Variants in ADNP2 observed in about 807,000 individuals in gnomAD.
The protein encoded by ADNP2 is ADNP homeobox 2.
A neutral mutation model predicts 16.4 loss-of-function variants in ADNP2; 8 were observed. That is an observed-to-expected ratio of 0.49 (90% CI 0.29 to 0.88). ADNP2 has a LOEUF of 0.88. Ranked by LOEUF, ADNP2 falls within the 40% of genes least tolerant of loss-of-function variation. The probability of loss-of-function intolerance (pLI) is 0.09; values close to 1 mark genes in which losing one functional copy is unlikely to be tolerated. For synonymous variants in ADNP2, 637 were observed against 545.8 expected (o/e 1.17, Z -2.33); for missense variants, 1,397 against 1,395.1 (o/e 1.00, Z -0.02).
Position 80,137,370 on chromosome 18 carries a change from G to A in ADNP2, c.1957G>A (p.Ala653Thr). 1 of 1,614,142 alleles carries A rather than the reference G, an allele frequency of 6.2e-7. No individual in the cohort carries two copies. The highest frequency in any genetic ancestry group is 8.5e-7 in the Non-Finnish European group (1 of 1,180,042). The part of the protein sequence containing the change: ...LLPSGAAAPM[A>T]GSMPGMPSPP... Reference sequence around the variant, plus strand: ...GCCGTCAGGTGCAGCTGCACCAATGGCCGGTTCCATGCCCGGCATGCCCTC... The same window carrying A: ...GCCGTCAGGTGCAGCTGCACCAATGACCGGTTCCATGCCCGGCATGCCCTC... The change falls in exon 4 of 4, where the codon GCC (alanine) becomes ACC (threonine). Residue 653 changes from alanine to threonine, a missense_variant. Ala to Thr is a moderately conservative substitution (Grantham distance 58). Transcript: ENST00000262198. This position sits in a 1 kb window ranked among gnomAD's most constrained non-coding sequence, Gnocchi z 4.2.
At chr18:80,116,545 C>CT (rs142096214) in intron 1 of ADNP2, among the ~76,000 whole-genome samples, 38,249 of 149,688 alleles carry the variant, frequency 0.26, 6,270 homozygotes, top group Non-Finnish European at 0.38. Flanking sequence ...AACACGTTTC[C>CT]TTTTTTTTTT....
In ADNP2 at chr18:80,136,193, C is replaced by G. The variant is rs763240302; in HGVS notation, c.780C>G (p.Leu260=). 22 of 1,614,276 alleles carry G rather than the reference C, an allele frequency of 1.4e-5. 1 individual carries two copies. The South Asian group carries it at 2.4e-4, about 18-fold the overall frequency. Residue 260 remains leucine (L), a synonymous_variant, in exon 4 of 4, where the codon CTC becomes CTG. Coordinates refer to ENST00000262198, the MANE Select transcript of ADNP2 (RefSeq NM_014913.4). The part of the protein sequence containing the change: ...VISEHIKRTG[L]LKQTHIAPKP... ...CAGAACATATTAAGAGGACTGGACT[C>G]TTGAAGCAAACGCACATTGCTCCAA...
At chr18:80,135,554 A>G in intron 3 of ADNP2, 58 bp from the exon 4 acceptor site, 1 of 1,448,598 alleles carries the variant, frequency 6.9e-7, no homozygotes, top group Non-Finnish European at 9.4e-7. Context: ...GGGACTGTGG[A>G]AGGTTAGCAT....
At chr18:80,129,175 C>A (rs2052480313) in intron 2 of ADNP2, among the ~76,000 whole-genome samples, 1 of 139,326 alleles carries the variant, frequency 7.2e-6, no homozygotes, top group Admixed American at 7.3e-5. Context: ...GAGATCTCGG[C>A]TCACTGCAAG....
intron 2 of ADNP2, among the ~76,000 whole-genome samples, chr18:80,127,339 GTTTT>G (rs35560770): frequency 2.2e-4 from 22 of 102,180 alleles, no homozygotes; most frequent in Admixed American, 3.4e-4. Flanking sequence ...GGTTTTTTCA[GTTTT>G]TTTTTTTTTT....
rs1044811435 is a variant in ADNP2 at position 80,138,223 on chromosome 18, G to A, written c.2810G>A (p.Arg937His). The part of the protein sequence containing the change: ...TLAAIAVHLV[R>H]CRSAPKDSSS... ...GCTGCCATCGCCGTCCATTTGGTGCGCTGCAGAAGTGCTCCCAAGGACAGC... is the reference window on the plus strand; with the variant it reads ...GCTGCCATCGCCGTCCATTTGGTGCACTGCAGAAGTGCTCCCAAGGACAGC... The change falls in exon 4 of 4, where the codon CGC becomes CAC. Residue 937 changes from arginine (R) to histidine (H), a missense_variant. Transcript: ENST00000262198. 4 of 1,614,148 alleles carry A rather than the reference G, an allele frequency of 2.5e-6. No individual in the cohort carries two copies. Among genetic ancestry groups the A allele is most frequent in the Non-Finnish European group, 2.5e-6 (3 of 1,180,046 alleles).
At chr18:80,110,831 G>C (rs1410266614) in intron 1 of ADNP2, among the ~76,000 whole-genome samples, 2 of 152,136 alleles carry the variant, frequency 1.3e-5, no homozygotes, top group Non-Finnish European at 2.9e-5. Context: ...GTGAAGATGA[G>C]ACAAGAGGTT....
At chr18:80,132,802 C>G (rs918729220) in intron 2 of ADNP2, among the ~76,000 whole-genome samples, 12 of 152,002 alleles carry the variant, frequency 7.9e-5, no homozygotes, top group African/African-American at 2.4e-4. Flanking sequence ...TCACTGCAAC[C>G]TCCACCTCCC....
In ADNP2 at chr18:80,138,131, G is replaced by C. The variant is rs779117506; in HGVS notation, c.2718G>C (p.Thr906=). ...ERHHIMPTVH[T]VLKSPAFKCI... ...ACCACATCATGCCCACAGTCCACAC[G>C]GTCCTGAAGTCTCCCGCCTTCAAGT... is the stretch of plus-strand genomic sequence containing the variant. Residue 906 remains threonine, a synonymous_variant, in exon 4 of 4, where the codon ACG becomes ACC. Transcript: ENST00000262198. The C allele has an allele frequency of 1.3e-4, 213 of 1,613,906 alleles. No homozygotes were observed. Among genetic ancestry groups the C allele is most frequent in the Non-Finnish European group, 1.7e-4 (206 of 1,180,046 alleles).
Position 80,136,311 on chromosome 18 carries a change from A to G in ADNP2, c.898A>G (p.Ser300Gly), listed in dbSNP as rs1049398254. ...CTTCCATCTTGCTTTGCCACAGAACAGTCCAAGCCCAGCCGCAGGACAGCC... is the reference window on the plus strand; with the variant it reads ...CTTCCATCTTGCTTTGCCACAGAACGGTCCAAGCCCAGCCGCAGGACAGCC... The part of the protein sequence containing the change: ...PCFHLALPQN[S>G]PSPAAGQPVT... The change falls in exon 4 of 4, where the codon AGT (serine) becomes GGT (glycine). Residue 300 changes from serine to glycine, a missense_variant. Ser to Gly is a moderately conservative substitution (Grantham distance 56). Around this residue, in one of 3 missense-constraint regions of ADNP2, gnomAD observed 777 missense variants for 719.4 expected, o/e 1.08. Transcript: ENST00000262198. The G allele has an allele frequency of 1.2e-5, 20 of 1,613,450 alleles. No individual in the cohort carries two copies. The highest frequency in any genetic ancestry group is 1.7e-5 in the Non-Finnish European group (20 of 1,179,496).
chr18:80,112,139 A>T (rs749513972), intron 1 of ADNP2, among the ~76,000 whole-genome samples: 2 of 152,186 alleles, frequency 1.3e-5, no homozygotes, highest in Non-Finnish European at 2.9e-5. Flanking sequence ...CTAAGATTCT[A>T]TGGAGAACAG....
At chr18:80,127,060 T>G (rs964166162) in intron 2 of ADNP2, among the ~76,000 whole-genome samples, 2 of 152,234 alleles carry the variant, frequency 1.3e-5, no homozygotes, top group Non-Finnish European at 2.9e-5. Context: ...TCACAAAACT[T>G]TTATTACTGT....
rs147573826 is a variant in ADNP2 at position 80,115,935 on chromosome 18, T to C, written c.-13-1595T>C. 5.5e-3 allele frequency among the ~76,000 whole-genome samples: 831 copies of C among 152,236 alleles called. 33 individuals are homozygous for C. The East Asian group carries it at 0.076, about 14-fold the overall frequency. ...AGATTACAGGTGCCCAGCTAATTTT[T>C]TGTATTTTTAGTAGAGATGGGGCTT... is the stretch of plus-strand genomic sequence containing the variant. On this transcript the variant is annotated intron_variant, in intron 1 of 3. Transcript: ENST00000262198.
chr18:80,119,234 G>A (rs2052408716), intron 2 of ADNP2, among the ~76,000 whole-genome samples: 1 of 151,994 alleles, frequency 6.6e-6, no homozygotes, highest in African/African-American at 2.4e-5. Context: ...AGCAATTAGA[G>A]TTCTTTGTTT....
rs191895290 is a variant in ADNP2 at position 80,140,219 on chromosome 18, T to C, written c.*1410T>C. The C allele has an allele frequency of 4.6e-4, 70 of 152,682 alleles. No homozygotes were observed. Among genetic ancestry groups the C allele is most frequent in the African/African-American group, 1.6e-3 (67 of 41,576 alleles). The allele number at this position is 152,682 out of a possible 1,614,324, so 9.5% of individuals were successfully genotyped here. A position where few individuals can be genotyped will look rare whatever the true frequency, so the allele number is the denominator to read the frequency against. On this transcript the variant is annotated 3_prime_UTR_variant, in exon 4 of 4. Coordinates refer to ENST00000262198, the MANE Select transcript of ADNP2 (RefSeq NM_014913.4). ...ATAATGTTCATATTTGAGGCAGTTGTGAAACTGGTTTATGATTGTTGGTGT... is the reference window on the plus strand; with the variant it reads ...ATAATGTTCATATTTGAGGCAGTTGCGAAACTGGTTTATGATTGTTGGTGT...
In ADNP2 at chr18:80,112,241, G is replaced by T. The variant is rs1296451820; in HGVS notation, c.-14+2769G>T. 2.0e-5 allele frequency among the ~76,000 whole-genome samples: 3 copies of T among 152,062 alleles called. No individual in the cohort carries two copies. In the East Asian group the frequency reaches 5.8e-4, roughly 29 times the overall value. On this transcript the variant is annotated intron_variant, in intron 1 of 3. Transcript: ENST00000262198. The stretch of plus-strand genomic sequence containing the variant: ...TTTTACATGGAATATTTTATCTTAG[G>T]ATTGATAAATTATGCTATAAGAATG...
rs1213519412 is a variant in ADNP2 at position 80,137,826 on chromosome 18, A to G, written c.2413A>G (p.Asn805Asp). Reference sequence around the variant, plus strand: ...GAAGAAGTTGCCTATGGATTATAGCAACAGAGGTTTTCAATTAGATGTCGA... The same window carrying G: ...GAAGAAGTTGCCTATGGATTATAGCGACAGAGGTTTTCAATTAGATGTCGA... ...GKKKLPMDYS[N>D]RGFQLDVDAN... is the part of the protein sequence containing the mutation. Residue 805 changes from asparagine to aspartate, a missense_variant, in exon 4 of 4, where the codon AAC becomes GAC. Physicochemically the swap from Asn to Asp is conservative, Grantham distance 23 (BLOSUM62 1). Around this residue, in one of 3 missense-constraint regions of ADNP2, gnomAD observed 611 missense variants for 648.7 expected, o/e 0.94. Coordinates refer to ENST00000262198, the MANE Select transcript of ADNP2 (RefSeq NM_014913.4). The surrounding 1 kb of genome is among the most constrained non-coding windows in gnomAD (Gnocchi z 4.2). 6.2e-7 allele frequency: 1 copy of G among 1,614,078 alleles called. No homozygotes were observed. Among genetic ancestry groups the G allele is most frequent in the African/African-American group, 1.3e-5 (1 of 75,014 alleles).
chr18:80,135,622 C>T lies in ADNP2; in HGVS notation c.209C>T (p.Thr70Ile). 1.2e-6 allele frequency: 2 copies of T among 1,609,414 alleles called. No individual in the cohort carries two copies. Among genetic ancestry groups the T allele is most frequent in the South Asian group, 1.1e-5 (1 of 90,466 alleles). Reference sequence around the variant, plus strand: ...CTTTTCTTTTAACAGAGATATCGAACAAAGCCATACTGTTGTGGCCTCTGT... The same window carrying T: ...CTTTTCTTTTAACAGAGATATCGAATAAAGCCATACTGTTGTGGCCTCTGT... ...EPSGKKVRYRTKPYCCGLCKY... is the reference protein window; with the variant it reads ...EPSGKKVRYRIKPYCCGLCKY... Residue 70 changes from threonine to isoleucine, a missense_variant, in exon 4 of 4, where the codon ACA (threonine) becomes ATA (isoleucine). Physicochemically the swap from Thr to Ile is moderately conservative, Grantham distance 89 (BLOSUM62 -1). Transcript: ENST00000262198.
rs1311094158 is a variant in ADNP2 at position 80,133,168 on chromosome 18, C to T, written c.174C>T (p.Leu58=). Residue 58 remains leucine, a synonymous_variant, in exon 3 of 4, where the codon CTC becomes CTT. Transcript: ENST00000262198. The part of the protein sequence containing the change: ...FHNTSWGDVS[L]WEPSGKKVRY... Reference sequence around the variant, plus strand: ...ACACATCATGGGGTGATGTTTCTCTCTGGGAACCTTCTGGAAAGAAAGTGG... The same window carrying T: ...ACACATCATGGGGTGATGTTTCTCTTTGGGAACCTTCTGGAAAGAAAGTGG... The T allele has an allele frequency of 5.0e-6, 8 of 1,613,448 alleles. No individual in the cohort carries two copies. The highest frequency in any genetic ancestry group is 2.2e-5 in the East Asian group (1 of 44,888).
Sources: gnomAD v4.1 joint callset for allele counts (sites outside exome capture counted in the v4.1 genomes callset) on GRCh38, gnomAD v4.1.1 for gene constraint, gnomAD v4.1.1 regional missense constraint, Gnocchi (gnomAD v3.1) non-coding constraint, MANE v1.5 for transcripts, NCBI Gene and HGNC (gene_info 2026-07-23, HGNC 2026-07-21) for gene names.